ADCY8: variants seen among roughly 807,000 people sequenced by gnomAD.
ADCY8 encodes adenylate cyclase 8.
Under a neutral mutation model 119.7 loss-of-function variants are expected in ADCY8, and 51 were observed. The observed-to-expected ratio is 0.43, with a 90% CI of 0.34 to 0.54. The LOEUF is 0.54. ADCY8 is among the 20% of genes least tolerant of loss of function. ADCY8 has a pLI of 0.03. For synonymous variants in ADCY8, 665 were observed against 651.0 expected, an observed-to-expected ratio of 1.02 and a Z score of -0.33; for missense variants, 1,383 against 1,598.8, an observed-to-expected ratio of 0.87 and a Z score of 2.30.
intron 8 of ADCY8, among the ~76,000 whole-genome samples, chr8:130,882,328 C>T (rs1440752346): frequency 6.6e-6 from 1 of 152,028 alleles, no homozygotes; most frequent in East Asian, 1.9e-4. Context: ...CATATTAATG[C>T]TATTTTCTGA....
chr8:130,869,967 T>TTCCTTCTTCCTTCTTCCTTCTTCCTTC (rs66528210), intron 8 of ADCY8, among the ~76,000 whole-genome samples: 11 of 137,570 alleles, frequency 8.0e-5, no homozygotes, highest in African/African-American at 3.0e-4. Flanking sequence ...TTCTTCCTTC[T>TTCCTTCTTCCTTCTTCCTTCTTCCTTC]TCCTTCTTCC....
chr8:130,826,310 T>C (rs531688575), intron 12 of ADCY8, among the ~76,000 whole-genome samples: 1 of 152,288 alleles, frequency 6.6e-6, no homozygotes, highest in East Asian at 1.9e-4. Flanking sequence ...AAAATTGATA[T>C]ATGGCCACTA....
intron 12 of ADCY8, among the ~76,000 whole-genome samples, chr8:130,832,408 A>G (rs1210914350): frequency 6.6e-6 from 1 of 152,174 alleles, no homozygotes; most frequent in African/African-American, 2.4e-5. Flanking sequence ...TACCTAATGT[A>G]TAGGAACAAC....
intron 15 of ADCY8, among the ~76,000 whole-genome samples, chr8:130,796,083 C>T (rs1815571137): frequency 6.6e-6 from 1 of 152,200 alleles, no homozygotes; most frequent in Non-Finnish European, 1.5e-5. Flanking sequence ...AACTACTTTC[C>T]CCCAGCTTTC....
chr8:130,923,396 G>A (rs1416993460), intron 5 of ADCY8, among the ~76,000 whole-genome samples: 3 of 152,156 alleles, frequency 2.0e-5, no homozygotes, highest in African/African-American at 7.2e-5. Flanking sequence ...TTCGTTTCTT[G>A]TCCTGCCATA....
intron 15 of ADCY8, among the ~76,000 whole-genome samples, chr8:130,795,652 G>C (rs922926805): frequency 2.0e-5 from 3 of 152,152 alleles, no homozygotes; most frequent in Non-Finnish European, 2.9e-5. Context: ...GCAGAAGATG[G>C]GTTCTCTACA....
At chr8:130,881,405 C>T (rs1586525144) in intron 8 of ADCY8, among the ~76,000 whole-genome samples, 1 of 152,144 alleles carries the variant, frequency 6.6e-6, no homozygotes, top group African/African-American at 2.4e-5. Flanking sequence ...GGTGTTTGAA[C>T]ATTTCAGTGT....
intron 3 of ADCY8, among the ~76,000 whole-genome samples, chr8:130,946,338 A>G (rs74531749): frequency 1.4e-3 from 213 of 152,262 alleles, no homozygotes; most frequent in African/African-American, 5.0e-3. Context: ...CAGTGTTCCA[A>G]TATCATCAAA....
rs763836127 is a variant in ADCY8 at position 131,040,204 on chromosome 8, G to T, written c.130C>A (p.His44Asn). The change falls in exon 1 of 18, where the codon CAC becomes AAC. Residue 44 changes from histidine to asparagine, a missense_variant. This residue lies in a region of ADCY8 where 455 missense variants were observed against 435.3 expected (regional missense o/e 1.05). Transcript: ENST00000286355. ...QRLLWQTAVRHITEQRFIHGH... is the reference protein window; with the variant it reads ...QRLLWQTAVRNITEQRFIHGH... The stretch of plus-strand genomic sequence containing the variant: ...TGAATGAAGCGCTGCTCCGTGATGT[G>T]TCGCACCGCCGTCTGCCACAGCAGC... 67 of 1,536,296 alleles carry T rather than the reference G, an allele frequency of 4.4e-5. No individual in the cohort carries two copies. In the South Asian group the frequency reaches 7.5e-4, roughly 17 times the overall value.
At chr8:130,974,195 T>C (rs1432116557) in intron 2 of ADCY8, among the ~76,000 whole-genome samples, 2 of 152,238 alleles carry the variant, frequency 1.3e-5, no homozygotes, top group African/African-American at 4.8e-5. Flanking sequence ...TTATCAAGAA[T>C]GGCAGCCTTT....
chr8:130,921,892 G>A (rs113853318), intron 5 of ADCY8, among the ~76,000 whole-genome samples: 1,681 of 152,272 alleles, frequency 0.011, 22 homozygotes, highest in African/African-American at 0.039. Flanking sequence ...CCAAGTGGCA[G>A]TATTGAAAGG....
chr8:130,957,755 T>C (rs1821475338), intron 2 of ADCY8, among the ~76,000 whole-genome samples: 1 of 152,248 alleles, frequency 6.6e-6, no homozygotes, highest in Non-Finnish European at 1.5e-5. Flanking sequence ...GGGGTCAATG[T>C]AGAGCTCAGG....
chr8:131,025,058 T>C (rs1294987436), intron 1 of ADCY8, among the ~76,000 whole-genome samples: 2 of 152,202 alleles, frequency 1.3e-5, no homozygotes, highest in African/African-American at 4.8e-5. Context: ...GAAACTCATT[T>C]TGAAGCCAAG....
At chr8:130,881,660 A>G (rs1474838926) in intron 8 of ADCY8, among the ~76,000 whole-genome samples, 1 of 152,124 alleles carries the variant, frequency 6.6e-6, no homozygotes, top group African/African-American at 2.4e-5. Flanking sequence ...ATTCTAAGAT[A>G]TATATTCTTA....
intron 1 of ADCY8, among the ~76,000 whole-genome samples, chr8:131,030,261 C>T (rs868089299): frequency 6.6e-6 from 1 of 152,122 alleles, no homozygotes; most frequent in African/African-American, 2.4e-5. Flanking sequence ...TCCCTCCTGT[C>T]ATGTCTCCAG....
intron 5 of ADCY8, among the ~76,000 whole-genome samples, chr8:130,921,596 G>A (rs372494493): frequency 6.6e-6 from 1 of 151,740 alleles, no homozygotes; most frequent in East Asian, 1.9e-4. Context: ...TGGGATTACA[G>A]GCACGCACCA....
At chr8:130,862,076 T>G (rs1259631977) in intron 9 of ADCY8, among the ~76,000 whole-genome samples, 1 of 152,188 alleles carries the variant, frequency 6.6e-6, no homozygotes, top group Admixed American at 6.5e-5. Context: ...AGATTTCATT[T>G]GCTAATATTT....
intron 7 of ADCY8, among the ~76,000 whole-genome samples, chr8:130,903,171 C>T (rs1819657565): frequency 6.6e-6 from 1 of 152,044 alleles, no homozygotes; most frequent in Non-Finnish European, 1.5e-5. Flanking sequence ...GTGATCTACT[C>T]CTTATGTACT....
At chr8:130,916,993 C>A (rs1259809808) in intron 5 of ADCY8, among the ~76,000 whole-genome samples, 1 of 152,168 alleles carries the variant, frequency 6.6e-6, no homozygotes, top group Non-Finnish European at 1.5e-5. Flanking sequence ...ACCATGCTTA[C>A]CCTGACATGA....
Sources: allele counts gnomAD v4.1 joint callset (sites outside exome capture counted in the v4.1 genomes callset), GRCh38; gene constraint gnomAD v4.1.1; regional missense constraint gnomAD v4.1.1; transcripts MANE v1.5; gene names NCBI Gene and HGNC (gene_info 2026-07-23, HGNC 2026-07-21).